Variants in ZFTA observed in about 807,000 individuals in gnomAD.
The protein encoded by ZFTA is zinc finger translocation-associated protein.
Under a neutral mutation model 41.8 loss-of-function variants are expected in ZFTA, and 35 were observed. The ratio of observed to expected loss-of-function variants is 0.84; its 90% CI spans 0.64 to 1.11. The LOEUF is 1.11. Ranked by LOEUF, ZFTA falls within the 50% of genes most tolerant of loss-of-function variation. The pLI is 0.00. For synonymous variants in ZFTA, 514 were observed against 436.4 expected (o/e 1.18, Z -2.22); for missense variants, 964 against 989.8 (o/e 0.97, Z 0.35).
rs910252886 is a variant in ZFTA at position 63,764,508 on chromosome 11, G to T, written c.1115C>A (p.Pro372Gln). ...CCAGCCAGCCTCTTCCTTTACGTCT[G>T]GGGGGCTGAGATCCTGAGAGGAGGG... ...GAPSSQDLSP[P>Q]DVKEEAGWVP... Residue 372 changes from proline to glutamine, a missense_variant, in exon 4 of 5, where the codon CCA becomes CAA. By Grantham distance (76) the Pro-to-Gln change is moderately conservative. Around this residue, in one of 5 missense-constraint regions of ZFTA, gnomAD observed 584 missense variants for 523.1 expected, o/e 1.12. Transcript: ENST00000433688. 2.4e-6 allele frequency: 3 copies of T among 1,257,322 alleles called. No homozygotes were observed. The highest frequency in any genetic ancestry group is 2.0e-6 in the Non-Finnish European group (2 of 995,786). The allele number at this position is 1,257,322 out of a possible 1,614,324, so 77.9% of individuals were successfully genotyped here.
At chr11:63,763,938 C>T (rs965723681) in intron 4 of ZFTA, 69 bp from the exon 5 acceptor site, 9 of 1,369,532 alleles carry the variant, frequency 6.6e-6, no homozygotes, top group African/African-American at 3.1e-5. Flanking sequence ...GTCTCATCTC[C>T]AGTCACCCCA....
Position 63,765,385 on chromosome 11 carries a change from T to G in ZFTA, c.638-131A>C. The stretch of plus-strand genomic sequence containing the variant: ...CCTTTGCCCTTCTCTTCCTCTCTCC[T>G]GAAATCCTAACTCCCTAAACCCTCC... On this transcript the variant is annotated intron_variant, in intron 2 of 4. Transcript: ENST00000433688. This position sits in a 1 kb window ranked among gnomAD's most constrained non-coding sequence, Gnocchi z 4.0. The G allele has an allele frequency of 1.8e-6, 2 of 1,084,064 alleles. No homozygotes were observed. The highest frequency in any genetic ancestry group is 2.5e-6 in the Non-Finnish European group (2 of 800,824). The allele number at this position is 1,084,064 out of a possible 1,614,324, so 67.2% of individuals were successfully genotyped here. A position where few individuals can be genotyped will look rare whatever the true frequency, so the allele number is the denominator to read the frequency against.
rs988324934 is a variant in ZFTA, at chr11:63,764,202, G to T, written c.1421C>A (p.Ala474Asp). Residue 474 changes from alanine to aspartate, a missense_variant, in exon 4 of 5, where the codon GCC (alanine) becomes GAC (aspartate). Ala to Asp is a moderately radical substitution (Grantham distance 126). Around this residue, in one of 5 missense-constraint regions of ZFTA, gnomAD observed 584 missense variants for 523.1 expected, o/e 1.12. Transcript: ENST00000433688. ...CTCGCTCCACTCCCGGGCGATGAGG[G>T]CCTGGACAGGCCCGCCGAGGCGCGT... ...GSTRLGGPVQ[A>D]LIAREWSEKA... The T allele has an allele frequency of 2.7e-5, 38 of 1,410,988 alleles. No homozygotes were observed. In the African/African-American group the frequency reaches 4.4e-4, roughly 16 times the overall value. 87.4% of individuals were successfully genotyped at this position (1,410,988 alleles called of 1,614,324 possible).
Position 63,763,763 on chromosome 11 carries a change from AGGC to A in ZFTA, c.1689_1691del (p.Pro572del). ...GGGGCGGGGGCGGAGGCGGGGGAGG[AGGC>A]GGCGGCGGCAAGGCGAGTCCCCCAG... On this transcript the variant is annotated inframe_deletion, in exon 5 of 5. Transcript: ENST00000433688. 1 of 1,463,132 alleles carries A rather than the reference AGGC, an allele frequency of 6.8e-7. No individual in the cohort carries two copies. The highest frequency in any genetic ancestry group is 9.0e-7 in the Non-Finnish European group (1 of 1,109,580). The allele number at this position is 1,463,132 out of a possible 1,614,324, so 90.6% of individuals were successfully genotyped here. A position where few individuals can be genotyped will look rare whatever the true frequency, so the allele number is the denominator to read the frequency against.
Position 63,765,866 on chromosome 11 carries a change from TCC to T in ZFTA, c.576_577del (p.Glu193GlyfsTer84). On this transcript the variant is annotated frameshift_variant, in exon 2 of 5. Coordinates refer to ENST00000433688, the MANE Select transcript of ZFTA (RefSeq NM_001144936.2). LOFTEE classifies it high-confidence loss of function. The surrounding 1 kb of genome is among the most constrained non-coding windows in gnomAD (Gnocchi z 4.0). ...CCCCTCCTCCTCCTCCTCTTCTTCC[TCC>T]TCCTCCTCCTCCTCAGCCCCCTGGA... 1 of 1,497,638 alleles carries T rather than the reference TCC, an allele frequency of 6.7e-7. No homozygotes were observed. Among genetic ancestry groups the T allele is most frequent in the Non-Finnish European group, 8.9e-7 (1 of 1,119,800 alleles). The allele number at this position is 1,497,638 out of a possible 1,614,324, so 92.8% of individuals were successfully genotyped here. A position where few individuals can be genotyped will look rare whatever the true frequency, so the allele number is the denominator to read the frequency against.
At position 63,764,915 on chromosome 11, in the gene ZFTA, C is replaced by A. The variant is rs982912326; in HGVS notation, c.977G>T (p.Trp326Leu). 31 of 1,538,788 alleles carry A rather than the reference C, an allele frequency of 2.0e-5. No individual in the cohort carries two copies. Among genetic ancestry groups the A allele is most frequent in the African/African-American group, 5.5e-5 (4 of 72,650 alleles). The change falls in exon 3 of 5, where the codon TGG (tryptophan) becomes TTG (leucine). Residue 326 changes from tryptophan (W) to leucine (L), a missense_variant. Coordinates refer to ENST00000433688, the MANE Select transcript of ZFTA (RefSeq NM_001144936.2). The stretch of plus-strand genomic sequence containing the variant: ...AGACAGCGCCTCGGGCTGGCCCCCC[C>A]AGGCCTGCAGCAGGGCACTGCGCTG... ...GPQRSALLQAWGGQPEALSEL... is the reference protein window; with the variant it reads ...GPQRSALLQALGGQPEALSEL...
rs185169227 is a variant in ZFTA at position 63,763,203 on chromosome 11, C to T, written c.*215G>A. On this transcript the variant is annotated 3_prime_UTR_variant, in exon 5 of 5. Transcript: ENST00000433688. Reference sequence around the variant, plus strand: ...CGATGGGAGAGTGCGCTTCCCGCAGCGCACCGACTGGCTCAGGGACCCAAG... The same window carrying T: ...CGATGGGAGAGTGCGCTTCCCGCAGTGCACCGACTGGCTCAGGGACCCAAG... 1 of 218,346 alleles carries T rather than the reference C, an allele frequency of 4.6e-6. No homozygotes were observed. The highest frequency in any genetic ancestry group is 9.0e-6 in the Non-Finnish European group (1 of 111,286). The allele number at this position is 218,346 out of a possible 1,614,324, so 13.5% of individuals were successfully genotyped here. A position where few individuals can be genotyped will look rare whatever the true frequency, so the allele number is the denominator to read the frequency against.
In ZFTA at chr11:63,763,401, G is replaced by A. The variant is rs1297076009; in HGVS notation, c.*17C>T. On this transcript the variant is annotated 3_prime_UTR_variant, in exon 5 of 5. Coordinates refer to ENST00000433688, the MANE Select transcript of ZFTA (RefSeq NM_001144936.2). The stretch of plus-strand genomic sequence containing the variant: ...GATCCGACCCGACCCGACCTGACCC[G>A]GGGGCCCGCTAGGCCGCTACGCCCG... 3.1e-6 allele frequency: 4 copies of A among 1,274,548 alleles called. No individual in the cohort carries two copies. Among genetic ancestry groups the A allele is most frequent in the South Asian group, 4.1e-5 (2 of 48,742 alleles). 79.0% of individuals were successfully genotyped at this position (1,274,548 alleles called of 1,614,324 possible). A position where few individuals can be genotyped will look rare whatever the true frequency, so the allele number is the denominator to read the frequency against.
chr11:63,765,332 C>T lies in ZFTA; in HGVS notation c.638-78G>A. 1.4e-6 allele frequency: 2 copies of T among 1,379,398 alleles called. No homozygotes were observed. The highest frequency in any genetic ancestry group is 1.5e-5 in the African/African-American group (1 of 66,238). 85.4% of individuals were successfully genotyped at this position (1,379,398 alleles called of 1,614,324 possible). On this transcript the variant is annotated intron_variant, in intron 2 of 4. Transcript: ENST00000433688. The surrounding 1 kb of genome is among the most constrained non-coding windows in gnomAD (Gnocchi z 4.0). ...CACTACAGCCAGGTCTCCCACAAGC[C>T]TCTCACTCACTTGGGCCCCAGGCCT...
At position 63,762,720 on chromosome 11, in the gene ZFTA, C is replaced by A. The variant is rs1483137443; in HGVS notation, c.*698G>T. The A allele has an allele frequency of 1.3e-5, 2 of 152,332 alleles. No homozygotes were observed. The highest frequency in any genetic ancestry group is 3.9e-4 in the East Asian group (2 of 5,194). 9.4% of individuals were successfully genotyped at this position (152,332 alleles called of 1,614,324 possible). ...CGGCCTGGGAGGAGAGTGGGGCCGC[C>A]GGGCGCACGGTTCTCACTGAGCCTG... On this transcript the variant is annotated 3_prime_UTR_variant, in exon 5 of 5. Transcript: ENST00000433688.
Position 63,766,184 on chromosome 11 carries a change from C to T in ZFTA, c.260G>A (p.Arg87Gln), listed in dbSNP as rs1463236460. 4 of 1,527,480 alleles carry T rather than the reference C, an allele frequency of 2.6e-6. No individual in the cohort carries two copies. Among genetic ancestry groups the T allele is most frequent in the Non-Finnish European group, 3.5e-6 (4 of 1,136,314 alleles). 94.6% of individuals were successfully genotyped at this position (1,527,480 alleles called of 1,614,324 possible). Residue 87 changes from arginine to glutamine, a missense_variant, in exon 2 of 5, where the codon CGG (arginine) becomes CAG (glutamine). Arg to Gln is a conservative substitution (Grantham distance 43). This residue lies in a region of ZFTA where 141 missense variants were observed against 216.7 expected (regional missense o/e 0.65). Coordinates refer to ENST00000433688, the MANE Select transcript of ZFTA (RefSeq NM_001144936.2). ...GCGGCTCTTTCCAGGCCTCGAGGCC[C>T]GGGCCTCACAGTGGTCTGAATATTT... Reference protein sequence around the residue: ...GRKYSDHCEARASRPGKSRIP... With the variant: ...GRKYSDHCEAQASRPGKSRIP...
chr11:63,765,971 C>A lies in ZFTA; in HGVS notation c.473G>T (p.Arg158Leu), dbSNP rs1366088751. 1.3e-6 allele frequency: 2 copies of A among 1,551,546 alleles called. No homozygotes were observed. Among genetic ancestry groups the A allele is most frequent in the African/African-American group, 1.4e-5 (1 of 73,046 alleles). ...KHPYSLHWSP[R>L]EKEVISNSWD... ...GCTGTTGCTGATGACTTCCTTCTCC[C>A]GGGGACTCCAATGCAAGGAGTAGGG... Residue 158 changes from arginine (R) to leucine (L), a missense_variant, in exon 2 of 5, where the codon CGG becomes CTG. Transcript: ENST00000433688. This position sits in a 1 kb window ranked among gnomAD's most constrained non-coding sequence, Gnocchi z 4.0.
rs1177847801 is a variant in ZFTA, at chr11:63,765,855, C to T, written c.589G>A (p.Glu197Lys). Residue 197 changes from glutamate (E) to lysine (K), a missense_variant, in exon 2 of 5, where the codon GAG becomes AAG. By Grantham distance (56) the Glu-to-Lys change is moderately conservative. Around this residue, in one of 5 missense-constraint regions of ZFTA, gnomAD observed 141 missense variants for 216.7 expected, o/e 0.65. Transcript: ENST00000433688. This position sits in a 1 kb window ranked among gnomAD's most constrained non-coding sequence, Gnocchi z 4.0. ...GGGACACCGGCCCCCTCCTCCTCCT[C>T]CTCTTCTTCCTCCTCCTCCTCCTCC... ...AEEEEEEEEE[E>K]EEEGAGVPAC... 5.9e-6 allele frequency: 9 copies of T among 1,512,778 alleles called. No homozygotes were observed. The highest frequency in any genetic ancestry group is 1.3e-5 in the South Asian group (1 of 77,692). 93.7% of individuals were successfully genotyped at this position (1,512,778 alleles called of 1,614,324 possible).
chr11:63,763,262 T>TC lies in ZFTA; in HGVS notation c.*155dup, dbSNP rs1468700011. 1.3e-5 allele frequency: 5 copies of TC among 392,430 alleles called. No homozygotes were observed. Among genetic ancestry groups the TC allele is most frequent in the Non-Finnish European group, 1.9e-5 (5 of 266,554 alleles). The allele number at this position is 392,430 out of a possible 1,614,324, so 24.3% of individuals were successfully genotyped here. On this transcript the variant is annotated 3_prime_UTR_variant, in exon 5 of 5. Coordinates refer to ENST00000433688, the MANE Select transcript of ZFTA (RefSeq NM_001144936.2). The stretch of plus-strand genomic sequence containing the variant: ...CGCAGACGCCGGTGGCCCCACCCGA[T>TC]CCCCCGTCTCCGCCCGGCCCGGCCA...
chr11:63,764,824 G>A, intron 3 of ZFTA, 44 bp downstream of exon 3: 1 of 1,435,646 alleles, frequency 7.0e-7, no homozygotes, highest in Non-Finnish European at 9.1e-7. Context: ...CCCCACTTCA[G>A]AGCCCCAGTA....
At chr11:63,768,423 C>G in intron 1 of ZFTA, 61 bp downstream of exon 1, 1 of 1,014,696 alleles carries the variant, frequency 9.9e-7, no homozygotes. Context: ...GGGCCCCGAG[C>G]CGCAGCCCTC....
chr11:63,764,111 G>A lies in ZFTA; in HGVS notation c.1512C>T (p.Pro504=), dbSNP rs1333393040. The change falls in exon 4 of 5, where the codon CCC becomes CCT. Residue 504 remains proline (P), a synonymous_variant. Coordinates refer to ENST00000433688, the MANE Select transcript of ZFTA (RefSeq NM_001144936.2). ...RPESPQGPIP[P]GTAAASDEGG... is the part of the protein sequence containing the mutation. ...CCTCGTCGGAGGCTGCGGCAGTGCC[G>A]GGGGGGATGGGGCCCTGGGGGGACT... 7 of 1,329,518 alleles carry A rather than the reference G, an allele frequency of 5.3e-6. No individual in the cohort carries two copies. The highest frequency in any genetic ancestry group is 6.7e-6 in the Non-Finnish European group (7 of 1,043,602). 82.4% of individuals were successfully genotyped at this position (1,329,518 alleles called of 1,614,324 possible). A position where few individuals can be genotyped will look rare whatever the true frequency, so the allele number is the denominator to read the frequency against.
chr11:63,763,409 G>T lies in ZFTA; in HGVS notation c.*9C>A. 1.5e-6 allele frequency: 2 copies of T among 1,292,762 alleles called. No homozygotes were observed. Among genetic ancestry groups the T allele is most frequent in the Non-Finnish European group, 2.0e-6 (2 of 1,018,206 alleles). The allele number at this position is 1,292,762 out of a possible 1,614,324, so 80.1% of individuals were successfully genotyped here. A position where few individuals can be genotyped will look rare whatever the true frequency, so the allele number is the denominator to read the frequency against. ...CCGACCCGACCTGACCCGGGGGCCCGCTAGGCCGCTACGCCCGACACACAG... is the reference window on the plus strand; with the variant it reads ...CCGACCCGACCTGACCCGGGGGCCCTCTAGGCCGCTACGCCCGACACACAG... On this transcript the variant is annotated 3_prime_UTR_variant, in exon 5 of 5. Coordinates refer to ENST00000433688, the MANE Select transcript of ZFTA (RefSeq NM_001144936.2).
Position 63,760,092 on chromosome 11 carries a change from A to G in ZFTA, c.*3326T>C, listed in dbSNP as rs1406344319. 5.9e-5 allele frequency: 9 copies of G among 152,240 alleles called. No individual in the cohort carries two copies. The highest frequency in any genetic ancestry group is 1.3e-4 in the Non-Finnish European group (9 of 68,050). The allele number at this position is 152,240 out of a possible 1,614,324, so 9.4% of individuals were successfully genotyped here. A position where few individuals can be genotyped will look rare whatever the true frequency, so the allele number is the denominator to read the frequency against. ...CTGTGCATTTGATCTCTGAAAGAAA[A>G]TAAGAGACCCTCTAAGAGGTGGTGA... On this transcript the variant is annotated 3_prime_UTR_variant, in exon 5 of 5. Transcript: ENST00000433688.
Sources: gnomAD v4.1 joint callset for allele counts on GRCh38, gnomAD v4.1.1 for gene constraint, gnomAD v4.1.1 regional missense constraint, Gnocchi (gnomAD v3.1) non-coding constraint, MANE v1.5 for transcripts, NCBI Gene and HGNC (gene_info 2026-07-23, HGNC 2026-07-21) for gene names.